SCN8A: variants seen among roughly 807,000 people sequenced by gnomAD.
SCN8A encodes the protein sodium channel protein type 8 subunit alpha.
SCN8A carries 30 observed loss-of-function variants against 184.1 expected under a neutral mutation model. That is an observed-to-expected ratio of 0.16 (90% CI 0.12 to 0.22). The LOEUF is 0.22. SCN8A is among the 10% of genes least tolerant of loss of function. The pLI is 1.00. For missense variants in SCN8A, 1,057 were observed against 2,498.9 expected, an observed-to-expected ratio of 0.42 and a Z score of 12.30; for synonymous variants, 852 against 907.0, an observed-to-expected ratio of 0.94 and a Z score of 1.09.
chr12:51,644,273 A>G (rs1940514704), intron 1 of SCN8A, among the ~76,000 whole-genome samples: 1 of 152,200 alleles, frequency 6.6e-6, no homozygotes, highest in African/African-American at 2.4e-5. Flanking sequence ...TGTTAAGAAC[A>G]CAGACCTTGG....
chr12:51,602,700 G>A (rs1939494160), intron 1 of SCN8A, among the ~76,000 whole-genome samples: 1 of 152,150 alleles, frequency 6.6e-6, no homozygotes, highest in East Asian at 1.9e-4. Context: ...AAGAGGGTAT[G>A]TGGTGTTTTT....
chr12:51,668,498 T>C (rs893278845), intron 2 of SCN8A, among the ~76,000 whole-genome samples: 1 of 152,196 alleles, frequency 6.6e-6, no homozygotes, highest in Non-Finnish European at 1.5e-5. Context: ...TCAGCCTCAA[T>C]TGGCTCAGTT....
chr12:51,751,127 T>C (rs1253550039), intron 13 of SCN8A, among the ~76,000 whole-genome samples: 1 of 152,162 alleles, frequency 6.6e-6, no homozygotes, highest in African/African-American at 2.4e-5. Flanking sequence ...CTCCCATAAC[T>C]GATGGGTTGA....
At chr12:51,652,706 A>G (rs538381547) in intron 1 of SCN8A, among the ~76,000 whole-genome samples, 2 of 152,110 alleles carry the variant, frequency 1.3e-5, no homozygotes, top group Non-Finnish European at 2.9e-5. Flanking sequence ...CCACCCTACC[A>G]GCCCATCTGT....
At chr12:51,621,119 T>C (rs1953138051) in intron 1 of SCN8A, among the ~76,000 whole-genome samples, 1 of 152,232 alleles carries the variant, frequency 6.6e-6, no homozygotes, top group African/African-American at 2.4e-5. Flanking sequence ...CCTTGGTCTC[T>C]CCTCAGCTGC....
chr12:51,678,768 T>G (rs1941270173), intron 2 of SCN8A, among the ~76,000 whole-genome samples: 1 of 152,202 alleles, frequency 6.6e-6, no homozygotes, highest in African/African-American at 2.4e-5. Flanking sequence ...GATTTATGAC[T>G]GTGTTTTTTA....
chr12:51,705,008 T>G (rs1450803091), intron 9 of SCN8A, among the ~76,000 whole-genome samples: 3 of 152,142 alleles, frequency 2.0e-5, no homozygotes, highest in Non-Finnish European at 4.4e-5. Flanking sequence ...AAGATGGGAT[T>G]TCCTTCAACT....
intron 26 of SCN8A, among the ~76,000 whole-genome samples, chr12:51,797,970 G>A (rs1938454473): frequency 6.6e-6 from 1 of 152,180 alleles, no homozygotes; most frequent in South Asian, 2.1e-4. Flanking sequence ...GTCACTAGGG[G>A]TGATGGGGAG....
At chr12:51,723,141 A>G (rs1942096092) in intron 12 of SCN8A, 1 of 152,222 alleles carries the variant, frequency 6.6e-6, no homozygotes, top group South Asian at 2.1e-4. Flanking sequence ...ATCAAAAGGC[A>G]ATTTGTATGT....
chr12:51,699,149 G>T (rs996465231), intron 6 of SCN8A, among the ~76,000 whole-genome samples: 4 of 152,222 alleles, frequency 2.6e-5, no homozygotes, highest in Non-Finnish European at 5.9e-5. Flanking sequence ...AAGAATTGAC[G>T]TTTAAACTGG....
intron 26 of SCN8A, among the ~76,000 whole-genome samples, chr12:51,805,303 A>G (rs1938668660): frequency 6.6e-6 from 1 of 152,114 alleles, no homozygotes; most frequent in Non-Finnish European, 1.5e-5. Context: ...TACAGCCTGG[A>G]TGTGGCAGTT....
chr12:51,730,376 C>T (rs1942220889), intron 12 of SCN8A, among the ~76,000 whole-genome samples: 1 of 152,116 alleles, frequency 6.6e-6, no homozygotes, highest in South Asian at 2.1e-4. Flanking sequence ...GTTCTGTTCC[C>T]TTGATCTGTT....
chr12:51,728,338 C>T (rs1416699042), intron 12 of SCN8A, among the ~76,000 whole-genome samples: 1 of 152,176 alleles, frequency 6.6e-6, no homozygotes, highest in East Asian at 1.9e-4. Flanking sequence ...CTACAATAAA[C>T]AGTCCAAGAA....
chr12:51,612,432 G>A (rs1939741919), intron 1 of SCN8A, among the ~76,000 whole-genome samples: 1 of 152,168 alleles, frequency 6.6e-6, no homozygotes, highest in Admixed American at 6.5e-5. Context: ...CCAAAGTACT[G>A]GATTACAGGC....
chr12:51,703,765 G>T (rs552930340), intron 9 of SCN8A, among the ~76,000 whole-genome samples: 9 of 152,150 alleles, frequency 5.9e-5, no homozygotes, highest in Non-Finnish European at 1.0e-4. Flanking sequence ...TGAAAAACAC[G>T]TCCCCTCAGG....
At position 51,740,848 on chromosome 12, in the gene SCN8A, G is replaced by A. The variant is rs180690090; in HGVS notation, c.1999-5055G>A. Among the ~76,000 whole-genome samples the A allele has an allele frequency of 5.8e-4, 88 of 152,240 alleles. 1 individual carries two copies. Among genetic ancestry groups the A allele is most frequent in the South Asian group, 1.5e-3 (7 of 4,826 alleles). Reference sequence around the variant, plus strand: ...TATCCAGGTTGGAGTGGAGTGGTGCGATCTCAGCCCGCTGCAGCCTCAACC... The same window carrying A: ...TATCCAGGTTGGAGTGGAGTGGTGCAATCTCAGCCCGCTGCAGCCTCAACC... On this transcript the variant is annotated intron_variant, in intron 12 of 26. Transcript: ENST00000627620.
intron 1 of SCN8A, among the ~76,000 whole-genome samples, chr12:51,598,783 A>G (rs1213792410): frequency 6.6e-6 from 1 of 152,166 alleles, no homozygotes; most frequent in African/African-American, 2.4e-5. Context: ...ATGCACATAT[A>G]CATATTGTCT....
intron 1 of SCN8A, among the ~76,000 whole-genome samples, chr12:51,649,863 AT>A (rs1412629990): frequency 4.6e-5 from 7 of 152,130 alleles, no homozygotes. Context: ...GCCAGCTTGT[AT>A]TTCTCCTCAG....
At chr12:51,627,827 G>A (rs979506755) in intron 1 of SCN8A, among the ~76,000 whole-genome samples, 1 of 152,188 alleles carries the variant, frequency 6.6e-6, no homozygotes, top group African/African-American at 2.4e-5. Context: ...ATTTTTGAAT[G>A]AGTTAGTCTC....
Sources: gnomAD v4.1 joint callset for allele counts (sites outside exome capture counted in the v4.1 genomes callset) on GRCh38, gnomAD v4.1.1 for gene constraint, MANE v1.5 for transcripts, NCBI Gene and HGNC (gene_info 2026-07-23, HGNC 2026-07-21) for gene names.